DCAF8L2: variants seen among roughly 807,000 people sequenced by gnomAD.
DCAF8L2 encodes the protein DDB1 and CUL4 associated factor 8 like 2.
For synonymous variants in DCAF8L2, 200 were observed against 190.9 expected (o/e 1.05, Z -0.39); for missense variants, 430 against 490.7 (o/e 0.88, Z 1.17).
chrX:27,583,028 G>A, the DCAF8L2 span, among the ~76,000 whole-genome samples: 1 of 111,316 alleles, frequency 9.0e-6, no homozygotes, highest in Non-Finnish European at 1.9e-5. Flanking sequence ...ATTGGATCTC[G>A]TCTGTAGCAA....
intron 3 of DCAF8L2, among the ~76,000 whole-genome samples, chrX:27,690,334 T>A (rs1930668119): frequency 1.8e-5 from 2 of 111,686 alleles, no homozygotes; most frequent in Non-Finnish European, 3.8e-5. Flanking sequence ...CCATCCTTAG[T>A]CATTTCAATA....
upstream of DCAF8L2, among the ~76,000 whole-genome samples, chrX:27,587,985 A>AAAAAAAAAAAAAATATATATATATAT: frequency 1.3e-4 from 3 of 22,367 alleles, no homozygotes; most frequent in African/African-American, 3.0e-4. Flanking sequence ...TAAAAAAAAA[A>AAAAAAAAAAAAAATATATATATATAT]ATATATATAT....
At chrX:27,656,843 GA>G (rs1929371596) in intron 2 of DCAF8L2, among the ~76,000 whole-genome samples, 1 of 111,349 alleles carries the variant, frequency 9.0e-6, no homozygotes, top group South Asian at 3.8e-4. Flanking sequence ...CCTTTAGTGG[GA>G]GGAACTGAAA....
chrX:27,742,329 G>A (rs1281798192), intron 4 of DCAF8L2, among the ~76,000 whole-genome samples: 4 of 111,408 alleles, frequency 3.6e-5, no homozygotes. Context: ...AGCACTTTGG[G>A]AGGCCGAGGT....
At chrX:27,743,070 T>C (rs1921947826) in intron 4 of DCAF8L2, among the ~76,000 whole-genome samples, 1 of 112,230 alleles carries the variant, frequency 8.9e-6, no homozygotes, top group Admixed American at 9.4e-5. Flanking sequence ...CTCACACTTT[T>C]ATTTTTTATT....
chrX:27,565,161 C>A, the DCAF8L2 span, among the ~76,000 whole-genome samples: 557 of 110,511 alleles, frequency 5.0e-3, 1 homozygote, highest in Middle Eastern at 9.3e-3. Context: ...CATTTTCCCC[C>A]ATTGATTATG....
chrX:27,558,452 G>T, the DCAF8L2 span, among the ~76,000 whole-genome samples: 1 of 111,145 alleles, frequency 9.0e-6, no homozygotes, highest in Admixed American at 9.6e-5. Context: ...ACAGCCTCCA[G>T]TGGTCATTGG....
intron 2 of DCAF8L2, among the ~76,000 whole-genome samples, chrX:27,640,702 T>C (rs769508256): frequency 8.9e-6 from 1 of 112,369 alleles, no homozygotes; most frequent in East Asian, 2.8e-4. Flanking sequence ...TTCACGGCAA[T>C]GTATGAGAGA....
intron 2 of DCAF8L2, among the ~76,000 whole-genome samples, chrX:27,673,297 C>A (rs1464244293): frequency 9.1e-6 from 1 of 109,388 alleles, no homozygotes; most frequent in Non-Finnish European, 1.9e-5. Flanking sequence ...CACTTGAGGT[C>A]AGGAGTTCAA....
intron 4 of DCAF8L2, among the ~76,000 whole-genome samples, chrX:27,726,151 T>G (rs1279846144): frequency 9.0e-6 from 1 of 111,628 alleles, no homozygotes; most frequent in Non-Finnish European, 1.9e-5. Flanking sequence ...CATTTCTCTC[T>G]AGTCCTTTTC....
At chrX:27,563,422 A>G in the DCAF8L2 span, among the ~76,000 whole-genome samples, 2 of 112,323 alleles carry the variant, frequency 1.8e-5, no homozygotes, top group South Asian at 7.4e-4. Context: ...AATTTCAGCC[A>G]GAGTTCCACT....
At chrX:27,668,994 T>G (rs968577231) in intron 2 of DCAF8L2, among the ~76,000 whole-genome samples, 1 of 110,065 alleles carries the variant, frequency 9.1e-6, no homozygotes, top group Non-Finnish European at 1.9e-5. Flanking sequence ...ACATAGGTAC[T>G]GGCTGATAAG....
chrX:27,627,369 T>A (rs1245662945), intron 1 of DCAF8L2: 1 of 110,882 alleles, frequency 9.0e-6, no homozygotes, highest in Admixed American at 9.6e-5. Flanking sequence ...GAAGTATAAT[T>A]GATATGCAAA....
At chrX:27,626,201 G>T (rs757326734) in intron 1 of DCAF8L2, among the ~76,000 whole-genome samples, 55 of 111,249 alleles carry the variant, frequency 4.9e-4, no homozygotes, top group Non-Finnish European at 1.3e-4. Flanking sequence ...CTCATCTGAC[G>T]GGAGCTAGAA....
chrX:27,537,074 A>T, the DCAF8L2 span, among the ~76,000 whole-genome samples: 1 of 112,186 alleles, frequency 8.9e-6, no homozygotes, highest in Middle Eastern at 4.6e-3. Flanking sequence ...AATGGAATCA[A>T]TGTGACAGTT....
the DCAF8L2 span, among the ~76,000 whole-genome samples, chrX:27,477,969 A>G: frequency 9.0e-6 from 1 of 111,526 alleles, no homozygotes; most frequent in Admixed American, 9.5e-5. Flanking sequence ...TCTGGTTGCC[A>G]TGACCCCATT....
intron 3 of DCAF8L2, among the ~76,000 whole-genome samples, chrX:27,696,306 GAA>G (rs1478997473): frequency 6.7e-5 from 6 of 89,175 alleles, no homozygotes; most frequent in Non-Finnish European, 1.1e-4. Context: ...AAGAAAGAAA[GAA>G]AGAAAGAAAG....
chrX:27,716,389 G>C (rs777667893), intron 4 of DCAF8L2, among the ~76,000 whole-genome samples: 2 of 112,334 alleles, frequency 1.8e-5, no homozygotes. Context: ...GTTTGTGTCA[G>C]ATACATTTTC....
chrX:27,608,698 C>CTTT (rs773443796), intron 1 of DCAF8L2, among the ~76,000 whole-genome samples: 3 of 104,860 alleles, frequency 2.9e-5, no homozygotes, highest in African/African-American at 1.0e-4. Context: ...TCCTGAACAT[C>CTTT]TTTTTTTTTT....
Sources: allele counts gnomAD v4.1 joint callset (sites outside exome capture counted in the v4.1 genomes callset), GRCh38; gene constraint gnomAD v4.1.1; transcripts MANE v1.5; gene names NCBI Gene and HGNC (gene_info 2026-07-23, HGNC 2026-07-21).